WWOX: variants seen among roughly 807,000 people sequenced by gnomAD.
The protein encoded by WWOX is WW domain-containing oxidoreductase.
Under a neutral mutation model 46.2 loss-of-function variants are expected in WWOX, and 69 were observed. The ratio of observed to expected loss-of-function variants is 1.49; its 90% CI spans 1.23 to 1.82. The LOEUF (loss-of-function observed/expected upper bound fraction) is 1.82. Ranked by LOEUF, WWOX falls within the 40% of genes most tolerant of loss-of-function variation. WWOX has a pLI of 0.00. For synonymous variants in WWOX, 359 were observed against 202.6 expected (o/e 1.77, Z -6.56); for missense variants, 919 against 542.6 (o/e 1.69, Z -6.89).
chr16:79,194,734 C>G lies in WWOX; in HGVS notation c.1057-16874C>G, dbSNP rs978776132. ...ACTTTCTCCATCTGCTTTCCATCGTCCAAAATTTTTGTTGATGTTTCTTGA... is the reference window on the plus strand; with the variant it reads ...ACTTTCTCCATCTGCTTTCCATCGTGCAAAATTTTTGTTGATGTTTCTTGA... On this transcript the variant is annotated intron_variant, in intron 8 of 8. Transcript: ENST00000566780. 5.3e-5 allele frequency among the ~76,000 whole-genome samples: 8 copies of G among 152,142 alleles called. No homozygotes were observed. In the East Asian group the frequency reaches 1.2e-3, roughly 22 times the overall value.
In WWOX at chr16:79,199,070, T is replaced by G. The variant is rs1305873947; in HGVS notation, c.1057-12538T>G. ...TTCAGTCCCCGGTGTTTTTATTTTA[T>G]TTTATTTTTCAAGATGGAGTCTCAT... is the stretch of plus-strand genomic sequence containing the variant. On this transcript the variant is annotated intron_variant, in intron 8 of 8. Transcript: ENST00000566780. 2.0e-5 allele frequency among the ~76,000 whole-genome samples: 3 copies of G among 152,286 alleles called. No individual in the cohort carries two copies. In the East Asian group the frequency reaches 5.8e-4, roughly 29 times the overall value.
At position 78,410,336 on chromosome 16, in the gene WWOX, C is replaced by T. The variant is rs531391738; in HGVS notation, c.606-14534C>T. ...TAACACACAAGGTCTTACCCTTGATCACGGTCTGCAGCATGTCTTTTACCA... is the reference window on the plus strand; with the variant it reads ...TAACACACAAGGTCTTACCCTTGATTACGGTCTGCAGCATGTCTTTTACCA... On this transcript the variant is annotated intron_variant, in intron 6 of 8. Transcript: ENST00000566780. 2.6e-5 allele frequency among the ~76,000 whole-genome samples: 4 copies of T among 152,304 alleles called. No individual in the cohort carries two copies. The South Asian group carries it at 6.2e-4, about 24-fold the overall frequency.
intron 5 of WWOX, among the ~76,000 whole-genome samples, chr16:78,166,147 C>G (rs1276658994): frequency 1.3e-5 from 2 of 152,082 alleles, no homozygotes; most frequent in African/African-American, 4.8e-5. Flanking sequence ...AGCAAACACA[C>G]TCACATTCTG....
intron 8 of WWOX, among the ~76,000 whole-genome samples, chr16:78,838,220 G>T (rs189452963): frequency 6.6e-6 from 1 of 152,120 alleles, no homozygotes; most frequent in Non-Finnish European, 1.5e-5. Context: ...AGCAGGGTAC[G>T]TGGAGGGCTG....
chr16:78,277,041 C>T (rs1336234128), intron 5 of WWOX, among the ~76,000 whole-genome samples: 10 of 152,158 alleles, frequency 6.6e-5, no homozygotes, highest in African/African-American at 2.4e-4. Context: ...AGTTCATTTG[C>T]GAACCTTGTT....
At chr16:79,069,239 G>T (rs2048502653) in intron 8 of WWOX, among the ~76,000 whole-genome samples, 1 of 152,208 alleles carries the variant, frequency 6.6e-6, no homozygotes, top group Non-Finnish European at 1.5e-5. Context: ...GCAAGTAGTT[G>T]TGAGTACGAT....
intron 8 of WWOX, among the ~76,000 whole-genome samples, chr16:78,800,731 AAAATCCCAAATGC>A (rs2050864396): frequency 6.6e-6 from 1 of 152,184 alleles, no homozygotes; most frequent in Non-Finnish European, 1.5e-5. Flanking sequence ...GGAATTGTCT[AAAATCCCAAATGC>A]ATTCTTAGCT....
chr16:78,874,004 G>A (rs1207638030), intron 8 of WWOX, among the ~76,000 whole-genome samples: 1 of 151,992 alleles, frequency 6.6e-6, no homozygotes, highest in African/African-American at 2.4e-5. Flanking sequence ...GCTCATGCCT[G>A]TAATCCCAGC....
chr16:78,715,692 G>C (rs956721428), intron 8 of WWOX, among the ~76,000 whole-genome samples: 1 of 152,120 alleles, frequency 6.6e-6, no homozygotes, highest in African/African-American at 2.4e-5. Flanking sequence ...GGCCAGGCTG[G>C]TCTCGAACTC....
chr16:78,785,754 T>C (rs1354967855), intron 8 of WWOX, among the ~76,000 whole-genome samples: 1 of 152,210 alleles, frequency 6.6e-6, no homozygotes. Context: ...AAAAACAAAA[T>C]AAGACATATG....
chr16:79,120,921 A>G lies in WWOX; in HGVS notation c.1057-90687A>G, dbSNP rs189610572. ...GTAGATGGGATTACAGGCGTGCGCC[A>G]CCATGCCCGGTCAATTTTTGTATTT... On this transcript the variant is annotated intron_variant, in intron 8 of 8. Coordinates refer to ENST00000566780, the MANE Select transcript of WWOX (RefSeq NM_016373.4). 7.6e-3 allele frequency among the ~76,000 whole-genome samples: 1,160 copies of G among 152,310 alleles called. 17 individuals carry two copies. The highest frequency in any genetic ancestry group is 0.027 in the African/African-American group (1,121 of 41,576).
chr16:78,493,969 C>CTATAAAGACA (rs1308545807), intron 8 of WWOX, among the ~76,000 whole-genome samples: 5 of 152,180 alleles, frequency 3.3e-5, no homozygotes, highest in African/African-American at 1.2e-4. Flanking sequence ...TCTCACACTG[C>CTATAAAGACA]TATAAAGACA....
chr16:78,835,282 C>G (rs968071257), intron 8 of WWOX, among the ~76,000 whole-genome samples: 1 of 152,186 alleles, frequency 6.6e-6, no homozygotes, highest in Non-Finnish European at 1.5e-5. Context: ...CTATTTTAGT[C>G]TGTAGCTTTT....
intron 8 of WWOX, among the ~76,000 whole-genome samples, chr16:78,733,158 G>A (rs1048471580): frequency 3.9e-5 from 6 of 152,074 alleles, no homozygotes; most frequent in Admixed American, 1.3e-4. Context: ...ATGTTTTTAT[G>A]CACAGCTATT....
intron 8 of WWOX, among the ~76,000 whole-genome samples, chr16:78,742,832 A>T (rs1256124154): frequency 2.0e-5 from 3 of 152,156 alleles, no homozygotes; most frequent in Non-Finnish European, 4.4e-5. Context: ...TTGTCCAGTG[A>T]ACAGCCATTG....
intron 5 of WWOX, among the ~76,000 whole-genome samples, chr16:78,218,789 A>G (rs17574299): frequency 0.18 from 28,155 of 152,286 alleles, 2,784 homozygotes; most frequent in Non-Finnish European, 0.21. Context: ...TTCGGTGCGC[A>G]TGTAAGTTTA....
intron 1 of WWOX, among the ~76,000 whole-genome samples, chr16:78,101,119 C>T (rs2031748581): frequency 6.6e-6 from 1 of 151,496 alleles, no homozygotes; most frequent in Non-Finnish European, 1.5e-5. Flanking sequence ...GCGATCTCGG[C>T]TCACTGCAGC....
At chr16:78,785,138 C>G (rs952780875) in intron 8 of WWOX, among the ~76,000 whole-genome samples, 1 of 152,156 alleles carries the variant, frequency 6.6e-6, no homozygotes, top group Admixed American at 6.5e-5. Flanking sequence ...GTATGTAAAA[C>G]TAAAAACAAT....
Position 78,966,434 on chromosome 16 carries a change from C to G in WWOX, c.1057-245174C>G, listed in dbSNP as rs528795380. 7.2e-5 allele frequency among the ~76,000 whole-genome samples: 11 copies of G among 152,030 alleles called. No homozygotes were observed. The East Asian group carries it at 2.1e-3, about 29-fold the overall frequency. Reference sequence around the variant, plus strand: ...GCTTTTGACCTTAACACTAAAATACCCTTCCACAATATTATAGGCTTTTCA... The same window carrying G: ...GCTTTTGACCTTAACACTAAAATACGCTTCCACAATATTATAGGCTTTTCA... On this transcript the variant is annotated intron_variant, in intron 8 of 8. Coordinates refer to ENST00000566780, the MANE Select transcript of WWOX (RefSeq NM_016373.4).
Sources: gnomAD v4.1 joint callset for allele counts (sites outside exome capture counted in the v4.1 genomes callset) on GRCh38, gnomAD v4.1.1 for gene constraint, MANE v1.5 for transcripts, NCBI Gene and HGNC (gene_info 2026-07-23, HGNC 2026-07-21) for gene names.